TLN2: variants seen among roughly 807,000 people sequenced by gnomAD.
TLN2 encodes talin-2.
TLN2 carries 118 observed loss-of-function variants against 294.7 expected under a neutral mutation model. That is an observed-to-expected ratio of 0.40 (90% CI 0.34 to 0.47). The LOEUF (loss-of-function observed/expected upper bound fraction) is 0.47, where lower values mean the gene tolerates loss of function less well. Ranked by LOEUF, TLN2 falls within the 20% of genes least tolerant of loss-of-function variation. The pLI is 0.84. For synonymous variants in TLN2, 1,431 were observed against 1,304.5 expected, an observed-to-expected ratio of 1.10 and a Z score of -2.09; for missense variants, 3,083 against 3,282.2, an observed-to-expected ratio of 0.94 and a Z score of 1.48.
At chr15:62,559,334 T>C (rs950385087) in intron 1 of TLN2, among the ~76,000 whole-genome samples, 1 of 152,200 alleles carries the variant, frequency 6.6e-6, no homozygotes, top group Non-Finnish European at 1.5e-5. Flanking sequence ...CCAGCGGATG[T>C]GGACTGAGCC....
intron 13 of TLN2, among the ~76,000 whole-genome samples, chr15:62,693,366 A>C (rs574318544): frequency 1.3e-5 from 2 of 152,292 alleles, no homozygotes; most frequent in East Asian, 3.9e-4. Flanking sequence ...TACTAATTTA[A>C]TCTTTAATCA....
At chr15:62,440,134 C>T (rs565378011) in intron 1 of TLN2, among the ~76,000 whole-genome samples, 4 of 152,262 alleles carry the variant, frequency 2.6e-5, no homozygotes, top group African/African-American at 9.6e-5. Flanking sequence ...ATCCCAGGTT[C>T]GTTTTATACC....
chr15:62,428,260 TG>T lies in TLN2; in HGVS notation c.-238+37576del, dbSNP rs997109112. On this transcript the variant is annotated intron_variant, in intron 1 of 58. Transcript: ENST00000636159. The stretch of plus-strand genomic sequence containing the variant: ...TGGGAAGAGGGATGGAGTCGTGTTT[TG>T]CCATGGTGGCCTTAACACCGGTGAC... Among the ~76,000 whole-genome samples, 3 of 152,352 alleles carry T rather than the reference TG, an allele frequency of 2.0e-5. No homozygotes were observed. The East Asian group carries it at 5.8e-4, about 29-fold the overall frequency.
At chr15:62,609,375 C>T (rs1596330863) in intron 2 of TLN2, among the ~76,000 whole-genome samples, 2 of 152,160 alleles carry the variant, frequency 1.3e-5, no homozygotes, top group Non-Finnish European at 2.9e-5. Context: ...TCTCAGATGC[C>T]GTTCAGGTTT....
At chr15:62,754,121 G>C in intron 36 of TLN2, 2 of 656,032 alleles carry the variant, frequency 3.0e-6, no homozygotes, top group African/African-American at 3.7e-5. Context: ...GCCTTGAAAT[G>C]GGGTGCCAGA....
chr15:62,606,444 AT>A (rs998159485), intron 2 of TLN2, among the ~76,000 whole-genome samples: 4 of 152,130 alleles, frequency 2.6e-5, no homozygotes, highest in Non-Finnish European at 2.9e-5. Context: ...CAGGAAAGGA[AT>A]GCCTGTGGTT....
intron 5 of TLN2, 29 bp from the exon 6 acceptor site, chr15:62,651,976 G>C (rs748223887): frequency 1.3e-6 from 2 of 1,549,746 alleles, no homozygotes; most frequent in Non-Finnish European, 1.7e-6. Flanking sequence ...CCCACACAGT[G>C]TGAAATTTGT....
chr15:62,790,932 A>G (rs1406497418), intron 45 of TLN2, among the ~76,000 whole-genome samples: 1 of 152,182 alleles, frequency 6.6e-6, no homozygotes, highest in African/African-American at 2.4e-5. Context: ...CTGCTGTTGT[A>G]TTCTGCATGG....
At chr15:62,836,507 C>A (rs1387448475) in intron 57 of TLN2, among the ~76,000 whole-genome samples, 1 of 152,206 alleles carries the variant, frequency 6.6e-6, no homozygotes. Flanking sequence ...ACCACATCTT[C>A]ATCTGTGCCT....
chr15:62,527,302 T>C (rs903386500), intron 1 of TLN2, among the ~76,000 whole-genome samples: 2 of 152,174 alleles, frequency 1.3e-5, no homozygotes, highest in Admixed American at 6.5e-5. Context: ...CTTGTGGGTT[T>C]CTTGGCTGGT....
intron 1 of TLN2, among the ~76,000 whole-genome samples, chr15:62,556,085 T>C (rs1461219089): frequency 6.6e-6 from 1 of 152,024 alleles, no homozygotes; most frequent in Non-Finnish European, 1.5e-5. Context: ...ATATTGAGTC[T>C]TCTCATCTGG....
chr15:62,409,420 AT>A (rs1299632662), intron 1 of TLN2, among the ~76,000 whole-genome samples: 1 of 151,940 alleles, frequency 6.6e-6, no homozygotes, highest in Admixed American at 6.6e-5. Context: ...ATTTGTTTCC[AT>A]TTTTTTCTGG....
At chr15:62,465,571 T>A (rs2037086355) in intron 1 of TLN2, among the ~76,000 whole-genome samples, 1 of 152,200 alleles carries the variant, frequency 6.6e-6, no homozygotes, top group Non-Finnish European at 1.5e-5. Flanking sequence ...GTTGTTGTCT[T>A]CCATGGAGCT....
intron 1 of TLN2, among the ~76,000 whole-genome samples, chr15:62,532,096 C>G (rs1048599222): frequency 6.7e-6 from 1 of 150,206 alleles, no homozygotes; most frequent in Non-Finnish European, 1.5e-5. Flanking sequence ...GTCACCCAGG[C>G]TGGGGTGCAA....
At chr15:62,459,885 C>T (rs757797062) in intron 1 of TLN2, among the ~76,000 whole-genome samples, 6 of 152,098 alleles carry the variant, frequency 3.9e-5, no homozygotes, top group Non-Finnish European at 8.8e-5. Flanking sequence ...AGTTTTTTCC[C>T]CCTACCTCAG....
chr15:62,824,120 G>T, intron 54 of TLN2: 1 of 392,122 alleles, frequency 2.6e-6, no homozygotes, highest in South Asian at 1.9e-5. Context: ...TTTAGAAGAT[G>T]GAGCACTCAT....
intron 52 of TLN2, among the ~76,000 whole-genome samples, chr15:62,817,396 TGAGA>T (rs1555519222): frequency 1.3e-5 from 2 of 151,944 alleles, no homozygotes; most frequent in Non-Finnish European, 2.9e-5. Context: ...TGTGAGAGAG[TGAGA>T]ATCACAGAGC....
At chr15:62,518,038 G>T (rs2040267519) in intron 1 of TLN2, among the ~76,000 whole-genome samples, 1 of 128,436 alleles carries the variant, frequency 7.8e-6, no homozygotes, top group Non-Finnish European at 1.6e-5. Context: ...ATATTAGCTA[G>T]CAGCAGTTTT....
chr15:62,419,933 A>G (rs2034297427), intron 1 of TLN2, among the ~76,000 whole-genome samples: 1 of 152,002 alleles, frequency 6.6e-6, no homozygotes, highest in Non-Finnish European at 1.5e-5. Flanking sequence ...CCTGAACTCT[A>G]TTTCTTGACA....
Sources: allele counts gnomAD v4.1 joint callset (sites outside exome capture counted in the v4.1 genomes callset), GRCh38; gene constraint gnomAD v4.1.1; transcripts MANE v1.5; gene names NCBI Gene and HGNC (gene_info 2026-07-23, HGNC 2026-07-21).